Variants in PCSK1N observed in about 807,000 individuals in gnomAD.
The protein encoded by PCSK1N is proSAAS.
PCSK1N carries 8 observed loss-of-function variants against 10.6 expected under a neutral mutation model. That is an observed-to-expected ratio of 0.76 (90% confidence interval 0.44 to 1.37). PCSK1N has a LOEUF of 1.37. PCSK1N is among the 40% of genes most tolerant of loss of function. The pLI, the probability that PCSK1N is intolerant of heterozygous loss-of-function variation, is 0.00. For synonymous variants in PCSK1N, 143 were observed against 137.1 expected (o/e 1.04, Z -0.30); for missense variants, 301 against 268.5 (o/e 1.12, Z -0.84).
Position 48,833,808 on chromosome X carries a change from G to C in PCSK1N, c.115-1467C>G, listed in dbSNP as rs185529283. 3.8e-3 allele frequency among the ~76,000 whole-genome samples: 429 copies of C among 111,782 alleles called. 1 individual carries two copies. Among genetic ancestry groups the C allele is most frequent in the African/African-American group, 0.013 (405 of 30,757 alleles). On this transcript the variant is annotated intron_variant, in intron 1 of 2. Coordinates refer to ENST00000218230, the MANE Select transcript of PCSK1N (RefSeq NM_013271.5). Reference sequence around the variant, plus strand: ...ATATATAAATCATGATGTCCTCATAGGATGTAATATTATGCAGCAATAAAA... The same window carrying C: ...ATATATAAATCATGATGTCCTCATACGATGTAATATTATGCAGCAATAAAA...
Position 48,835,525 on chromosome X carries a change from C to T in PCSK1N, c.8G>A (p.Gly3Glu). 1.1e-6 allele frequency: 1 copy of T among 892,496 alleles called. No individual in the cohort carries two copies. The highest frequency in any genetic ancestry group is 1.4e-6 in the Non-Finnish European group (1 of 715,737). 73.6% of individuals were successfully genotyped at this position (892,496 alleles called of 1,213,427 possible). The part of the protein sequence containing the change: MA[G>E]SPLLWGPRAG... ...CCGCGGCCCCCAGAGCAGCGGCGAC[C>T]CCGCCATGCTGCCCCAGCGAGCCGG... Residue 3 changes from glycine to glutamate, a missense_variant, in exon 1 of 3, where the codon GGG becomes GAG. Transcript: ENST00000218230.
intron 1 of PCSK1N, chrX:48,834,834 C>CAGAG (rs782314874): frequency 9.7e-6 from 1 of 102,843 alleles, no homozygotes; most frequent in Non-Finnish European, 2.0e-5. Flanking sequence ...GAGAGAGAGA[C>CAGAG]AGAGAGAGAG....
chrX:48,832,323 C>T lies in PCSK1N; in HGVS notation c.133G>A (p.Ala45Thr), dbSNP rs782562370. The T allele has an allele frequency of 8.9e-7, 1 of 1,125,870 alleles. No individual in the cohort carries two copies. The highest frequency in any genetic ancestry group is 2.0e-5 in the South Asian group (1 of 48,998). The allele number at this position is 1,125,870 out of a possible 1,213,427, so 92.8% of individuals were successfully genotyped here. ...RPVKEPRGLSAASPPLAETGA... is the reference protein window; with the variant it reads ...RPVKEPRGLSTASPPLAETGA... ...GTCTCAGCCAAGGGCGGAGACGCTG[C>T]GCTTAGGCCGCGGGGCTCCTGCGGG... Residue 45 changes from alanine (A) to threonine (T), a missense_variant, in exon 2 of 3, where the codon GCA (alanine) becomes ACA (threonine). Ala to Thr is a moderately conservative substitution (Grantham distance 58). Coordinates refer to ENST00000218230, the MANE Select transcript of PCSK1N (RefSeq NM_013271.5).
Position 48,835,543 on chromosome X carries a change from C to T in PCSK1N, c.-11G>A. The stretch of plus-strand genomic sequence containing the variant: ...CGGCGACCCCGCCATGCTGCCCCAG[C>T]GAGCCGGGCTCCGGACGGGCGGACT... On this transcript the variant is annotated 5_prime_UTR_variant, in exon 1 of 3. Transcript: ENST00000218230. 1 of 831,652 alleles carries T rather than the reference C, an allele frequency of 1.2e-6. No individual in the cohort carries two copies. The highest frequency in any genetic ancestry group is 1.5e-6 in the Non-Finnish European group (1 of 662,369). The allele number at this position is 831,652 out of a possible 1,213,427, so 68.5% of individuals were successfully genotyped here.
At chrX:48,835,392 C>A in intron 1 of PCSK1N, 27 bp downstream of exon 1, 1 of 713,126 alleles carries the variant, frequency 1.4e-6, no homozygotes, top group South Asian at 6.7e-5. Flanking sequence ...CCCCCAACCC[C>A]CACCCCTCGC....
At chrX:48,832,394 G>A in intron 1 of PCSK1N, 53 bp from the exon 2 acceptor site, 1 of 985,383 alleles carries the variant, frequency 1.0e-6, no homozygotes, top group East Asian at 3.8e-5. Flanking sequence ...GTCGAGACAG[G>A]GACCCCCAGC....
intron 2 of PCSK1N, 113 bp downstream of exon 2, chrX:48,831,756 A>AG (rs782791754): frequency 3.2e-4 from 181 of 572,203 alleles, no homozygotes; most frequent in African/African-American, 3.0e-3. Context: ...ACTCCCTCTT[A>AG]GGCCCCAGGA....
rs781957018 is a variant in PCSK1N, at chrX:48,831,224, T to G, written c.*36A>C. The stretch of plus-strand genomic sequence containing the variant: ...CCTGGTGGCGGGATGGCGGGGGCAC[T>G]TCTGGGTCCCAGGGTGCACGGGATC... On this transcript the variant is annotated 3_prime_UTR_variant, in exon 3 of 3. Transcript: ENST00000218230. The G allele has an allele frequency of 1.8e-6, 2 of 1,106,299 alleles. No individual in the cohort carries two copies. Among genetic ancestry groups the G allele is most frequent in the East Asian group, 6.9e-5 (2 of 29,152 alleles). 91.2% of individuals were successfully genotyped at this position (1,106,299 alleles called of 1,213,427 possible).
Position 48,831,891 on chromosome X carries a change from C to A in PCSK1N, c.565G>T (p.Asp189Tyr), listed in dbSNP as rs1269590066. The change falls in exon 2 of 3, where the codon GAC becomes TAC. Residue 189 changes from aspartate to tyrosine, a missense_variant. Asp to Tyr is a radical substitution (Grantham distance 160, BLOSUM62 -3). Coordinates refer to ENST00000218230, the MANE Select transcript of PCSK1N (RefSeq NM_013271.5). ...CACCTCAACAGCTCGGGGTCCACGTCGGGTGTCTCGTCGCCTGCCTCCTCA... is the reference window on the plus strand; with the variant it reads ...CACCTCAACAGCTCGGGGTCCACGTAGGGTGTCTCGTCGCCTGCCTCCTCA... ...DAEEAGDETP[D>Y]VDPELLRYLL... is the part of the protein sequence containing the mutation. The A allele has an allele frequency of 5.5e-5, 60 of 1,084,888 alleles. No homozygotes were observed. Among genetic ancestry groups the A allele is most frequent in the Non-Finnish European group, 7.0e-5 (59 of 840,435 alleles). 89.4% of individuals were successfully genotyped at this position (1,084,888 alleles called of 1,213,427 possible).
In PCSK1N at chrX:48,832,219, C is replaced by T. The variant is rs782059582; in HGVS notation, c.237G>A (p.Leu79=). Reference sequence around the variant, plus strand: ...GACGTTCGGCCTCCAGCAGATGCGCCAGCGCCCGCGCCAGCTCCTGCACCG... The same window carrying T: ...GACGTTCGGCCTCCAGCAGATGCGCTAGCGCCCGCGCCAGCTCCTGCACCG... ...AGAVQELARA[L]AHLLEAERQE... is the part of the protein sequence containing the mutation. The change falls in exon 2 of 3, where the codon CTG becomes CTA. Residue 79 remains leucine (L), a synonymous_variant. Coordinates refer to ENST00000218230, the MANE Select transcript of PCSK1N (RefSeq NM_013271.5). The T allele has an allele frequency of 1.4e-5, 16 of 1,155,502 alleles. No homozygotes were observed. The East Asian group carries it at 4.3e-4, about 31-fold the overall frequency.
At position 48,831,928 on chromosome X, in the gene PCSK1N, C is replaced by G; in HGVS notation, c.528G>C (p.Ala176=). Residue 176 remains alanine (A), a synonymous_variant, in exon 2 of 3, where the codon GCG becomes GCC. Coordinates refer to ENST00000218230, the MANE Select transcript of PCSK1N (RefSeq NM_013271.5). ...PRPPVYDDGP[A]GPDAEEAGDE... ...CGCCTGCCTCCTCAGCATCCGGGCC[C>G]GCGGGGCCGTCGTCGTAGACCGGGG... 1.8e-6 allele frequency: 2 copies of G among 1,082,386 alleles called. No homozygotes were observed. The highest frequency in any genetic ancestry group is 1.9e-5 in the African/African-American group (1 of 52,101). 89.2% of individuals were successfully genotyped at this position (1,082,386 alleles called of 1,213,427 possible).
At chrX:48,834,013 C>G (rs1557033843) in intron 1 of PCSK1N, among the ~76,000 whole-genome samples, 1 of 111,507 alleles carries the variant, frequency 9.0e-6, no homozygotes, top group Non-Finnish European at 1.9e-5. Flanking sequence ...CAGTATGATT[C>G]CGTTTCAATG....
At position 48,831,870 on chromosome X, in the gene PCSK1N, T is replaced by A; in HGVS notation, c.586A>T (p.Arg196Trp). 1 of 1,063,071 alleles carries A rather than the reference T, an allele frequency of 9.4e-7. No homozygotes were observed. Among genetic ancestry groups the A allele is most frequent in the Non-Finnish European group, 1.2e-6 (1 of 829,661 alleles). The allele number at this position is 1,063,071 out of a possible 1,213,427, so 87.6% of individuals were successfully genotyped here. ...ETPDVDPELL[R>W]YLLGRILAGS... ...CCCTCCCCACCCCCTGCCGGGCACC[T>A]CAACAGCTCGGGGTCCACGTCGGGT... is the stretch of plus-strand genomic sequence containing the variant. Residue 196 changes from arginine (R) to tryptophan (W), a missense_variant and splice_region_variant, in exon 2 of 3, where the codon AGG becomes TGG. Physicochemically the swap from Arg to Trp is moderately radical, Grantham distance 101. Transcript: ENST00000218230.
rs1557034017 is a variant in PCSK1N, at chrX:48,835,427, G to A, written c.106C>T (p.Pro36Ser). 2.2e-6 allele frequency: 2 copies of A among 922,970 alleles called. No homozygotes were observed. The highest frequency in any genetic ancestry group is 4.1e-5 in the African/African-American group (2 of 48,545). The allele number at this position is 922,970 out of a possible 1,213,427, so 76.1% of individuals were successfully genotyped here. The change falls in exon 1 of 3, where the codon CCG becomes TCG. Residue 36 changes from proline (P) to serine (S), a missense_variant. Physicochemically the swap from Pro to Ser is moderately conservative, Grantham distance 74. Coordinates refer to ENST00000218230, the MANE Select transcript of PCSK1N (RefSeq NM_013271.5). ...FRPPPALCARPVKEPRGLSAA... is the reference protein window; with the variant it reads ...FRPPPALCARSVKEPRGLSAA... The stretch of plus-strand genomic sequence containing the variant: ...CCGGACTGGGGTCGCACCTTTACCG[G>A]CCGCGCGCAGAGCGCGGGGGGCGGC...
Position 48,831,371 on chromosome X carries a change from G to A in PCSK1N, c.672C>T (p.His224=), listed in dbSNP as rs1557033352. 2 of 1,121,781 alleles carry A rather than the reference G, an allele frequency of 1.8e-6. No homozygotes were observed. The highest frequency in any genetic ancestry group is 6.6e-5 in the East Asian group (2 of 30,082). 92.4% of individuals were successfully genotyped at this position (1,121,781 alleles called of 1,213,427 possible). Reference sequence around the variant, plus strand: ...CAGGGGGCAGCTCAGAGCCCACATCGTGGTCGGCGGCACGGCGGAGGCGGC... The same window carrying A: ...CAGGGGGCAGCTCAGAGCCCACATCATGGTCGGCGGCACGGCGGAGGCGGC... The part of the protein sequence containing the change: ...APRRLRRAAD[H]DVGSELPPEG... Residue 224 remains histidine (H), a synonymous_variant, in exon 3 of 3, where the codon CAC becomes CAT. Coordinates refer to ENST00000218230, the MANE Select transcript of PCSK1N (RefSeq NM_013271.5).
intron 1 of PCSK1N, chrX:48,834,565 A>C: frequency 1.3e-6 from 1 of 745,069 alleles, no homozygotes; most frequent in Non-Finnish European, 1.6e-6. Flanking sequence ...TCGCCAAGCC[A>C]CCCAGGTGCA....
At position 48,832,149 on chromosome X, in the gene PCSK1N, C is replaced by A. The variant is rs782578008; in HGVS notation, c.307G>T (p.Ala103Ser). 9.7e-6 allele frequency: 11 copies of A among 1,139,534 alleles called. No homozygotes were observed. In the South Asian group the frequency reaches 2.0e-4, roughly 20 times the overall value. The allele number at this position is 1,139,534 out of a possible 1,213,427, so 93.9% of individuals were successfully genotyped here. Residue 103 changes from alanine (A) to serine (S), a missense_variant, in exon 2 of 3, where the codon GCG becomes TCG. Ala to Ser is a moderately conservative substitution (Grantham distance 99, BLOSUM62 1). Transcript: ENST00000218230. ...AEAQEAEDQQARVLAQLLRVW... is the reference protein window; with the variant it reads ...AEAQEAEDQQSRVLAQLLRVW... Reference sequence around the variant, plus strand: ...CGCAGCAGCTGCGCCAGGACGCGCGCCTGCTGATCCTCAGCCTCCTGCGCC... The same window carrying A: ...CGCAGCAGCTGCGCCAGGACGCGCGACTGCTGATCCTCAGCCTCCTGCGCC...
At chrX:48,833,943 A>G (rs2063180002) in intron 1 of PCSK1N, among the ~76,000 whole-genome samples, 1 of 111,902 alleles carries the variant, frequency 8.9e-6, no homozygotes, top group Non-Finnish European at 1.9e-5. Context: ...ACTGCCTGAG[A>G]CTACTAGACA....
Position 48,832,400 on chromosome X carries a change from C to T in PCSK1N, c.115-59G>A. ...TCAGCGTCCGTCGAGACAGGGACCC[C>T]CAGCCCGGGAAGCTTCGTAGGCCTC... On this transcript the variant is annotated intron_variant, in intron 1 of 2. Transcript: ENST00000218230. 3.1e-6 allele frequency: 3 copies of T among 963,654 alleles called. No individual in the cohort carries two copies. In the Admixed American group the frequency reaches 1.1e-4, roughly 36 times the overall value. 79.4% of individuals were successfully genotyped at this position (963,654 alleles called of 1,213,427 possible).
Sources: gnomAD v4.1 joint callset for allele counts (sites outside exome capture counted in the v4.1 genomes callset) on GRCh38, gnomAD v4.1.1 for gene constraint, MANE v1.5 for transcripts, NCBI Gene and HGNC (gene_info 2026-07-23, HGNC 2026-07-21) for gene names.